The following ACSS3 variants were observed in gnomAD, a reference collection of about 807,000 sequenced individuals.
ACSS3 encodes the protein acyl-CoA synthetase short-chain family member 3, mitochondrial.
A neutral mutation model predicts 84.2 loss-of-function variants in ACSS3; 64 were observed. The observed-to-expected ratio is 0.76, with a 90% confidence interval of 0.62 to 0.94. The LOEUF (loss-of-function observed/expected upper bound fraction) is 0.94. Ranked by LOEUF, ACSS3 falls within the 40% of genes least tolerant of loss-of-function variation. ACSS3 has a pLI of 0.00. For synonymous variants in ACSS3, 317 were observed against 310.1 expected, an observed-to-expected ratio of 1.02 and a Z score of -0.23; for missense variants, 815 against 867.6, an observed-to-expected ratio of 0.94 and a Z score of 0.76.
chr12:81,198,731 T>C (rs375929402), intron 8 of ACSS3, among the ~76,000 whole-genome samples: 1 of 152,190 alleles, frequency 6.6e-6, no homozygotes, highest in African/African-American at 2.4e-5. Context: ...CTTCATCTTT[T>C]AGTACTCTTG....
chr12:81,159,467 T>C (rs1336086737), intron 7 of ACSS3, among the ~76,000 whole-genome samples: 3 of 152,112 alleles, frequency 2.0e-5, no homozygotes, highest in Non-Finnish European at 4.4e-5. Flanking sequence ...CCTGGCCAGC[T>C]CAGTCAGTGC....
intron 5 of ACSS3, among the ~76,000 whole-genome samples, chr12:81,147,882 C>T (rs866153328): frequency 6.6e-6 from 1 of 151,802 alleles, no homozygotes; most frequent in Non-Finnish European, 1.5e-5. Context: ...CACACACACA[C>T]ACACAAACGC....
At chr12:81,167,941 A>G (rs1426056431) in intron 7 of ACSS3, among the ~76,000 whole-genome samples, 3 of 152,194 alleles carry the variant, frequency 2.0e-5, no homozygotes, top group Middle Eastern at 3.2e-3. Context: ...TGTGGGACCT[A>G]CCACAAGGAG....
At chr12:81,160,665 T>C (rs116534892) in intron 7 of ACSS3, among the ~76,000 whole-genome samples, 1,728 of 152,340 alleles carry the variant, frequency 0.011, 16 homozygotes, top group African/African-American at 0.02. Context: ...AATAAATATA[T>C]TATTTGGTAA....
chr12:81,212,807 G>T (rs1335552536), intron 9 of ACSS3, among the ~76,000 whole-genome samples: 1 of 152,132 alleles, frequency 6.6e-6, no homozygotes, highest in African/African-American at 2.4e-5. Flanking sequence ...AGTCAGTAAA[G>T]ACATGCAGTA....
At chr12:81,091,721 C>T (rs892251336) in intron 1 of ACSS3, among the ~76,000 whole-genome samples, 23 of 151,936 alleles carry the variant, frequency 1.5e-4, no homozygotes, top group Admixed American at 2.0e-4. Flanking sequence ...TCGTATAATA[C>T]CACTCTTAGA....
At chr12:81,104,007 G>T (rs1324612051) in intron 1 of ACSS3, among the ~76,000 whole-genome samples, 1 of 152,138 alleles carries the variant, frequency 6.6e-6, no homozygotes, top group Non-Finnish European at 1.5e-5. Flanking sequence ...TACAGTAAAA[G>T]ATTGATAAAT....
intron 2 of ACSS3, among the ~76,000 whole-genome samples, chr12:81,114,629 T>C (rs1332069871): frequency 6.6e-6 from 1 of 152,160 alleles, no homozygotes; most frequent in African/African-American, 2.4e-5. Flanking sequence ...ATTTATATTA[T>C]GGTCAGTGCC....
chr12:81,226,312 C>CT (rs144290496), intron 11 of ACSS3, among the ~76,000 whole-genome samples: 25,101 of 150,782 alleles, frequency 0.17, 2,331 homozygotes, highest in Non-Finnish European at 0.21. Flanking sequence ...ATTTTCTTTT[C>CT]TTTTTTTTTC....
At chr12:81,233,982 A>G (rs1157774319) in intron 13 of ACSS3, among the ~76,000 whole-genome samples, 7 of 151,596 alleles carry the variant, frequency 4.6e-5, no homozygotes, top group East Asian at 3.9e-4. Flanking sequence ...ATACTAATAC[A>G]GTTTCTTGTA....
chr12:81,174,516 G>C (rs200122340), intron 7 of ACSS3: 3 of 284,558 alleles, frequency 1.1e-5, no homozygotes, highest in Non-Finnish European at 1.9e-5. Context: ...TTTGAATGTG[G>C]TATGTATTTT....
chr12:81,123,230 T>C (rs1429123876), intron 2 of ACSS3, among the ~76,000 whole-genome samples: 1 of 151,980 alleles, frequency 6.6e-6, no homozygotes, highest in Non-Finnish European at 1.5e-5. Context: ...GGGGCAATCA[T>C]GGATATAATT....
rs761743979 is a variant in ACSS3 at position 81,220,036 on chromosome 12, C to G, written c.1474C>G (p.Gln492Glu). 6.5e-7 allele frequency: 1 copy of G among 1,538,968 alleles called. No homozygotes were observed. The highest frequency in any genetic ancestry group is 8.8e-7 in the Non-Finnish European group (1 of 1,142,326). ...YNVMILDDNM[Q>E]KLKARCLGNI... ...AGTTATGATTTTGGATGACAACATG[C>G]AAAAACTGAAGGCTCGGTGTTTAGG... The change falls in exon 11 of 16, where the codon CAA becomes GAA. Residue 492 changes from glutamine to glutamate, a missense_variant. Gln to Glu is a conservative substitution (Grantham distance 29). Transcript: ENST00000548058.
At chr12:81,165,991 G>C (rs1285221649) in intron 7 of ACSS3, among the ~76,000 whole-genome samples, 8 of 152,142 alleles carry the variant, frequency 5.3e-5, no homozygotes, top group Non-Finnish European at 1.5e-5. Context: ...GATATTTTAA[G>C]TACCCCATTT....
intron 1 of ACSS3, among the ~76,000 whole-genome samples, chr12:81,105,017 G>A (rs1315233324): frequency 6.6e-6 from 1 of 152,004 alleles, no homozygotes; most frequent in Non-Finnish European, 1.5e-5. Flanking sequence ...CTGCAGACCC[G>A]AGATGTAATA....
intron 12 of ACSS3, 45 bp from the exon 13 acceptor site, chr12:81,233,304 G>C (rs772306504): frequency 6.3e-7 from 1 of 1,583,360 alleles, no homozygotes; most frequent in Non-Finnish European, 8.6e-7. Context: ...GATTACATTA[G>C]TTAACAGTAC....
At chr12:81,219,144 G>A (rs1403782839) in intron 10 of ACSS3, among the ~76,000 whole-genome samples, 1 of 152,118 alleles carries the variant, frequency 6.6e-6, no homozygotes, top group African/African-American at 2.4e-5. Flanking sequence ...TACAGAATGT[G>A]CCTGGGGCAT....
chr12:81,098,151 A>AGAGTGTGTGTGTGT (rs369995298), intron 1 of ACSS3, among the ~76,000 whole-genome samples: 1 of 129,272 alleles, frequency 7.7e-6, no homozygotes, highest in Non-Finnish European at 1.6e-5. Flanking sequence ...AGAGAGAGAG[A>AGAGTGTGTGTGTGT]GTGTGTGTGT....
At chr12:81,093,187 C>T (rs1005827706) in intron 1 of ACSS3, among the ~76,000 whole-genome samples, 7 of 152,048 alleles carry the variant, frequency 4.6e-5, no homozygotes, top group African/African-American at 9.7e-5. Context: ...CAGTGGCTCA[C>T]GGCTGTAATC....
Sources: gnomAD v4.1 joint callset for allele counts (sites outside exome capture counted in the v4.1 genomes callset) on GRCh38, gnomAD v4.1.1 for gene constraint, MANE v1.5 for transcripts, NCBI Gene and HGNC (gene_info 2026-07-23, HGNC 2026-07-21) for gene names.